RARS2: variants seen among roughly 807,000 people sequenced by gnomAD.
The protein encoded by RARS2 is probable arginine--tRNA ligase, mitochondrial.
In RARS2, 67 loss-of-function variants were observed where a neutral mutation model predicts 88.5. The observed-to-expected ratio is 0.76, with a 90% CI of 0.62 to 0.93. The LOEUF is 0.93. Among genes scored for constraint, RARS2 ranks in the 40% least tolerant of loss-of-function variants. The pLI, the probability that RARS2 is intolerant of heterozygous loss-of-function variation, is 0.00. For missense variants in RARS2, 664 were observed against 684.2 expected, an observed-to-expected ratio of 0.97 and a Z score of 0.33; for synonymous variants, 239 against 230.3, an observed-to-expected ratio of 1.04 and a Z score of -0.34.
chr6:87,581,448 A>G (rs921443214), intron 1 of RARS2, among the ~76,000 whole-genome samples: 1 of 152,130 alleles, frequency 6.6e-6, no homozygotes. Context: ...AGCCCTCCCA[A>G]ATTTGCAGAA....
Position 87,569,588 on chromosome 6 carries a change from A to C in RARS2, c.39T>G (p.Leu13=). 6.2e-7 allele frequency: 1 copy of C among 1,604,184 alleles called. No homozygotes were observed. Residue 13 remains leucine (L), a splice_region_variant and synonymous_variant, in exon 2 of 20, where the codon CTT becomes CTG. Transcript: ENST00000369536. ...CGFRRAIACQ[L]SRVLNLPPEN... is the part of the protein sequence containing the mutation. Reference sequence around the variant, plus strand: ...CTGGTGGAAGATTCAACACTCTGGAAAGCTAAAAATCAAAAAGAACAAAAC... The same window carrying C: ...CTGGTGGAAGATTCAACACTCTGGACAGCTAAAAATCAAAAAGAACAAAAC...
chr6:87,585,247 C>T (rs969231668), intron 1 of RARS2, among the ~76,000 whole-genome samples: 6 of 152,158 alleles, frequency 3.9e-5, no homozygotes, highest in East Asian at 1.9e-4. Flanking sequence ...ACTTATGTTT[C>T]GGGCACTTTG....
intron 1 of RARS2, among the ~76,000 whole-genome samples, chr6:87,572,007 T>G (rs935077399): frequency 1.3e-5 from 2 of 151,878 alleles, no homozygotes; most frequent in Non-Finnish European, 2.9e-5. Flanking sequence ...AAAGCATTTA[T>G]AGGATAAAGG....
chr6:87,527,090 C>A (rs1394895134), intron 10 of RARS2, among the ~76,000 whole-genome samples: 2 of 152,018 alleles, frequency 1.3e-5, no homozygotes. Flanking sequence ...GCGGGTAGAT[C>A]AGGAGGTCAG....
At chr6:87,518,996 C>G in intron 14 of RARS2, 105 bp from the exon 15 acceptor site, 1 of 1,109,712 alleles carries the variant, frequency 9.0e-7, no homozygotes, top group South Asian at 1.2e-5. Flanking sequence ...CAATCAAGAA[C>G]AGATTCAGAA....
At chr6:87,541,807 G>C in intron 8 of RARS2, 111 bp downstream of exon 8, 3 of 809,866 alleles carry the variant, frequency 3.7e-6, no homozygotes, top group Admixed American at 4.1e-5. Context: ...CTGGGCAACA[G>C]AGCGAGACCC....
At chr6:87,548,244 T>C (rs1416329487) in intron 6 of RARS2, among the ~76,000 whole-genome samples, 1 of 152,138 alleles carries the variant, frequency 6.6e-6, no homozygotes, top group Non-Finnish European at 1.5e-5. Context: ...ACAAAATAAA[T>C]GAACAAAAAA....
chr6:87,551,319 A>C (rs1784255391), intron 5 of RARS2, among the ~76,000 whole-genome samples: 1 of 152,102 alleles, frequency 6.6e-6, no homozygotes, highest in Non-Finnish European at 1.5e-5. Flanking sequence ...ATTTTTGTTA[A>C]GAAGGGACAG....
chr6:87,522,631 T>C (rs1774301325), intron 11 of RARS2, among the ~76,000 whole-genome samples: 1 of 152,162 alleles, frequency 6.6e-6, no homozygotes, highest in Admixed American at 6.5e-5. Flanking sequence ...AGAGCATGCA[T>C]TCTCAATGAA....
At chr6:87,584,821 C>T (rs1774650622) in intron 1 of RARS2, 10 of 426,638 alleles carry the variant, frequency 2.3e-5, no homozygotes, top group South Asian at 1.7e-4. Flanking sequence ...AGACCCAGGG[C>T]TTCTCTATGG....
chr6:87,578,947 AG>A (rs1358912985), intron 1 of RARS2, among the ~76,000 whole-genome samples: 1 of 120,968 alleles, frequency 8.3e-6, no homozygotes, highest in Non-Finnish European at 1.7e-5. Context: ...AGACAGAGCG[AG>A]AGACTGTCTC....
At chr6:87,528,112 G>C (rs1776337276) in intron 10 of RARS2, among the ~76,000 whole-genome samples, 1 of 151,324 alleles carries the variant, frequency 6.6e-6, no homozygotes. Context: ...ATTTCTCCAA[G>C]GAAGGCATAC....
chr6:87,581,622 G>A (rs1464222896), intron 1 of RARS2, among the ~76,000 whole-genome samples: 4 of 150,676 alleles, frequency 2.7e-5, no homozygotes, highest in African/African-American at 9.9e-5. Context: ...ATTAAGTTCC[G>A]GGGTACATGT....
rs759922477 is a variant in RARS2, at chr6:87,519,582, C to G, written c.1237+1G>C. On this transcript the variant is annotated splice_donor_variant, in intron 14 of 19. Coordinates refer to ENST00000369536, the MANE Select transcript of RARS2 (RefSeq NM_020320.5). LOFTEE classifies it high-confidence loss of function. ...CTTTAATAAGAAAAAACTGAATTCACTCTTAATTGAAGCCATGTTCTGTAG... is the reference window on the plus strand; with the variant it reads ...CTTTAATAAGAAAAAACTGAATTCAGTCTTAATTGAAGCCATGTTCTGTAG... The G allele has an allele frequency of 3.1e-6, 5 of 1,611,562 alleles. No individual in the cohort carries two copies. The highest frequency in any genetic ancestry group is 4.2e-6 in the Non-Finnish European group (5 of 1,177,682).
At chr6:87,585,248 G>A (rs72922578) in intron 1 of RARS2, among the ~76,000 whole-genome samples, 34 of 152,182 alleles carry the variant, frequency 2.2e-4, no homozygotes, top group Admixed American at 4.6e-4. Context: ...CTTATGTTTC[G>A]GGCACTTTGC....
At chr6:87,574,154 C>T (rs1340815445) in intron 1 of RARS2, among the ~76,000 whole-genome samples, 2 of 152,118 alleles carry the variant, frequency 1.3e-5, no homozygotes, top group African/African-American at 4.8e-5. Flanking sequence ...TCTAGGGTAA[C>T]ACACCAATGG....
In RARS2 at chr6:87,533,647, T is replaced by C. The variant is rs1243155257; in HGVS notation, c.613-2705A>G. On this transcript the variant is annotated intron_variant, in intron 8 of 19. Coordinates refer to ENST00000369536, the MANE Select transcript of RARS2 (RefSeq NM_020320.5). ...TGTTTCCTTTAGGGAATAAACTAAA[T>C]GTCTCAGACTTCCTTAAAAAAAATT... 2.0e-5 allele frequency among the ~76,000 whole-genome samples: 3 copies of C among 152,216 alleles called. No homozygotes were observed. In the East Asian group the frequency reaches 5.8e-4, roughly 29 times the overall value.
At chr6:87,584,698 C>A (rs1029442208) in intron 1 of RARS2, 3 of 468,582 alleles carry the variant, frequency 6.4e-6, no homozygotes, top group Non-Finnish European at 1.3e-5. Context: ...AAGAAAGCAG[C>A]TGACAAACCC....
chr6:87,577,244 T>G (rs1332667942), intron 1 of RARS2, among the ~76,000 whole-genome samples: 1 of 152,228 alleles, frequency 6.6e-6, no homozygotes, highest in Non-Finnish European at 1.5e-5. Flanking sequence ...CAGGCTGGAA[T>G]GCAGCAGTAT....
Sources: gnomAD v4.1 joint callset for allele counts (sites outside exome capture counted in the v4.1 genomes callset) on GRCh38, gnomAD v4.1.1 for gene constraint, MANE v1.5 for transcripts, NCBI Gene and HGNC (gene_info 2026-07-23, HGNC 2026-07-21) for gene names.